The following VPS13B variants were observed in gnomAD, a reference collection of about 807,000 sequenced individuals.
VPS13B encodes the protein vacuolar protein sorting 13 homolog B, also known as intermembrane lipid transfer protein VPS13B.
In VPS13B, 285 loss-of-function variants were observed where a neutral mutation model predicts 426.4. The ratio of observed to expected loss-of-function variants is 0.67; its 90% CI spans 0.61 to 0.74. The LOEUF (loss-of-function observed/expected upper bound fraction) is 0.74, where lower values mean the gene tolerates loss of function less well. Ranked by LOEUF, VPS13B falls within the 30% of genes least tolerant of loss-of-function variation. VPS13B has a pLI of 0.00. For synonymous variants in VPS13B, 1,676 were observed against 1,676.4 expected, an observed-to-expected ratio of 1.00 and a Z score of 0.01; for missense variants, 4,537 against 4,782.6, an observed-to-expected ratio of 0.95 and a Z score of 1.51.
chr8:99,856,881 TAAA>T (rs10604997), intron 56 of VPS13B, among the ~76,000 whole-genome samples: 17,857 of 151,784 alleles, frequency 0.12, 1,090 homozygotes, highest in Non-Finnish European at 0.13. Flanking sequence ...CAACTAAAAA[TAAA>T]AAAGTATGGG....
At chr8:99,517,013 A>G (rs1056477965) in intron 29 of VPS13B, among the ~76,000 whole-genome samples, 1 of 152,102 alleles carries the variant, frequency 6.6e-6, no homozygotes, top group Non-Finnish European at 1.5e-5. Context: ...GTCATTGATT[A>G]TATGTTTATT....
chr8:99,425,973 C>T (rs1816679670), intron 21 of VPS13B, among the ~76,000 whole-genome samples: 1 of 151,754 alleles, frequency 6.6e-6, no homozygotes, highest in South Asian at 2.1e-4. Context: ...AGGTTAGTTA[C>T]ATATGTATAC....
intron 24 of VPS13B, among the ~76,000 whole-genome samples, chr8:99,477,657 CTAGA>C (rs542257035): frequency 3.8e-4 from 58 of 152,230 alleles, no homozygotes; most frequent in Admixed American, 1.4e-3. Context: ...TCATTGTTGC[CTAGA>C]TAGAGTACCT....
intron 19 of VPS13B, among the ~76,000 whole-genome samples, chr8:99,311,540 T>G (rs576423796): frequency 1.3e-5 from 2 of 152,330 alleles, no homozygotes; most frequent in South Asian, 2.1e-4. Context: ...AGAGACAGTT[T>G]GTTATAATTT....
intron 17 of VPS13B, among the ~76,000 whole-genome samples, chr8:99,237,396 A>T (rs1374382666): frequency 8.5e-5 from 13 of 152,212 alleles, no homozygotes; most frequent in Non-Finnish European, 4.4e-5. Context: ...GTTATCTTTC[A>T]ATACATTGAC....
chr8:99,029,839 G>A (rs1457040771), intron 2 of VPS13B, among the ~76,000 whole-genome samples: 1 of 151,566 alleles, frequency 6.6e-6, no homozygotes, highest in African/African-American at 2.4e-5. Context: ...GAGAGGGAGA[G>A]GGCTGTTAGT....
rs113889799 is a variant in VPS13B at position 99,169,705 on chromosome 8, G to A, written c.2209-334G>A. Among the ~76,000 whole-genome samples the A allele has an allele frequency of 8.4e-3, 1,277 of 151,740 alleles. 20 individuals are homozygous for A. Among genetic ancestry groups the A allele is most frequent in the African/African-American group, 0.029 (1,209 of 41,426 alleles). ...TTACTGTGTAGAAAATGCAGTCAGC[G>A]GTTTATATTTATGGAAAAATGTATA... On this transcript the variant is annotated intron_variant, in intron 15 of 61. Coordinates refer to ENST00000357162, the MANE Select transcript of VPS13B (RefSeq NM_152564.5).
At chr8:99,669,235 T>C (rs980935227) in intron 35 of VPS13B, among the ~76,000 whole-genome samples, 1 of 151,796 alleles carries the variant, frequency 6.6e-6, no homozygotes, top group Non-Finnish European at 1.5e-5. Context: ...AAAGTTTTTT[T>C]AACCATAGGA....
At chr8:99,488,259 T>C (rs571000326) in intron 25 of VPS13B, among the ~76,000 whole-genome samples, 1 of 152,280 alleles carries the variant, frequency 6.6e-6, no homozygotes, top group Admixed American at 6.5e-5. Flanking sequence ...TGTTCAAGTA[T>C]ATTTCAAAAT....
intron 30 of VPS13B, among the ~76,000 whole-genome samples, chr8:99,540,143 G>A (rs1308825105): frequency 1.7e-4 from 21 of 126,780 alleles, no homozygotes; most frequent in East Asian, 5.0e-4. Flanking sequence ...GCAGTGGTGC[G>A]ATCTCGACTC....
chr8:99,870,963 A>G, intron 60 of VPS13B, 76 bp downstream of exon 60: 2 of 1,450,582 alleles, frequency 1.4e-6, no homozygotes, highest in Non-Finnish European at 1.9e-6. Context: ...TCTCAAGCTA[A>G]TGGGCCATGC....
At chr8:99,594,313 G>A (rs778351488) in intron 33 of VPS13B, among the ~76,000 whole-genome samples, 1 of 151,796 alleles carries the variant, frequency 6.6e-6, no homozygotes, top group Non-Finnish European at 1.5e-5. Context: ...TAATTCATGT[G>A]AGCTTCAATT....
In VPS13B at chr8:99,485,006, A is replaced by G. The variant is rs147698006; in HGVS notation, c.3870+3204A>G. 5.3e-3 allele frequency among the ~76,000 whole-genome samples: 811 copies of G among 152,304 alleles called. 13 individuals are homozygous for G. Among genetic ancestry groups the G allele is most frequent in the Admixed American group, 0.048 (733 of 15,292 alleles). ...ACAGGGTACCATTTAAACATTTTCA[A>G]TTTAGTGAGTCTTCATTTTATGTTC... On this transcript the variant is annotated intron_variant, in intron 25 of 61. Transcript: ENST00000357162.
intron 4 of VPS13B, 122 bp from the exon 5 acceptor site, chr8:99,102,831 T>A: frequency 9.8e-7 from 1 of 1,023,946 alleles, no homozygotes; most frequent in Non-Finnish European, 1.4e-6. Context: ...CTTCAGTTTC[T>A]CTTTGGGAAA....
At chr8:99,349,222 A>G (rs1413223476) in intron 19 of VPS13B, among the ~76,000 whole-genome samples, 3 of 141,340 alleles carry the variant, frequency 2.1e-5, no homozygotes, top group East Asian at 2.1e-4. Context: ...AGTCCCAGCT[A>G]CTTGGGAGGC....
chr8:99,047,914 C>T (rs2132252720), intron 3 of VPS13B, among the ~76,000 whole-genome samples: 1 of 152,256 alleles, frequency 6.6e-6, no homozygotes, highest in Middle Eastern at 3.4e-3. Context: ...TCTTGAACTC[C>T]TGACCTCAGT....
At chr8:99,382,939 C>A (rs1291677877) in intron 19 of VPS13B, among the ~76,000 whole-genome samples, 1 of 152,060 alleles carries the variant, frequency 6.6e-6, no homozygotes, top group Admixed American at 6.5e-5. Flanking sequence ...AGTATGATGG[C>A]ATATTTCCTA....
chr8:99,486,897 G>T (rs1438932057), intron 25 of VPS13B, among the ~76,000 whole-genome samples: 1 of 152,098 alleles, frequency 6.6e-6, no homozygotes, highest in African/African-American at 2.4e-5. Flanking sequence ...TCTGAAATTG[G>T]AGTTTATGAG....
intron 21 of VPS13B, among the ~76,000 whole-genome samples, chr8:99,417,990 T>A (rs1816127546): frequency 2.0e-5 from 3 of 152,284 alleles, no homozygotes; most frequent in Admixed American, 6.5e-5. Context: ...GTCCTCCCAG[T>A]CCATGCTTTC....
Sources: gnomAD v4.1 joint callset for allele counts (sites outside exome capture counted in the v4.1 genomes callset) on GRCh38, gnomAD v4.1.1 for gene constraint, MANE v1.5 for transcripts, NCBI Gene and HGNC (gene_info 2026-07-23, HGNC 2026-07-21) for gene names.